The following DLG2 variants were observed in gnomAD, a reference collection of about 807,000 sequenced individuals.
The protein encoded by DLG2 is disks large homolog 2.
Under a neutral mutation model 132.5 loss-of-function variants are expected in DLG2, and 45 were observed. The ratio of observed to expected loss-of-function variants is 0.34; its 90% CI spans 0.27 to 0.44. The LOEUF (loss-of-function observed/expected upper bound fraction) is 0.44. DLG2 is among the 20% of genes least tolerant of loss of function. The pLI, the probability that DLG2 is intolerant of heterozygous loss-of-function variation, is 1.00. For synonymous variants in DLG2, 424 were observed against 419.6 expected (o/e 1.01, Z -0.13); for missense variants, 1,045 against 1,196.9 (o/e 0.87, Z 1.87).
intron 14 of DLG2, among the ~76,000 whole-genome samples, chr11:83,932,286 G>A (rs2080413278): frequency 6.6e-6 from 1 of 151,370 alleles, no homozygotes; most frequent in Non-Finnish European, 1.5e-5. Flanking sequence ...CCAGGCTGGA[G>A]TGCAGTGGCG....
At chr11:83,931,897 A>T (rs2080310457) in intron 14 of DLG2, among the ~76,000 whole-genome samples, 1 of 152,210 alleles carries the variant, frequency 6.6e-6, no homozygotes, top group African/African-American at 2.4e-5. Context: ...TTCACCGTTC[A>T]AAGTCTTATC....
chr11:84,329,382 G>A (rs555909263), intron 7 of DLG2, among the ~76,000 whole-genome samples: 45 of 152,206 alleles, frequency 3.0e-4, no homozygotes, highest in South Asian at 2.1e-4. Context: ...ACCTGGTGGG[G>A]GGTAACTGAA....
intron 6 of DLG2, among the ~76,000 whole-genome samples, chr11:84,902,310 C>T (rs188108701): frequency 6.6e-6 from 1 of 152,086 alleles, no homozygotes; most frequent in African/African-American, 2.4e-5. Context: ...CTTCTTTTAC[C>T]TTAGCATTTG....
intron 17 of DLG2, among the ~76,000 whole-genome samples, chr11:83,819,357 C>A (rs1470428392): frequency 6.7e-6 from 1 of 148,648 alleles, no homozygotes. Flanking sequence ...GTAACCCCAG[C>A]TAACTGGGAG....
At chr11:84,459,505 A>C (rs1399614818) in intron 7 of DLG2, among the ~76,000 whole-genome samples, 1 of 150,638 alleles carries the variant, frequency 6.6e-6, no homozygotes, top group Non-Finnish European at 1.5e-5. Context: ...TATGGGGTAC[A>C]TAATAGGTTG....
At chr11:85,036,554 T>C (rs1263530924) in intron 6 of DLG2, among the ~76,000 whole-genome samples, 1 of 152,216 alleles carries the variant, frequency 6.6e-6, no homozygotes, top group Non-Finnish European at 1.5e-5. Flanking sequence ...AAAATGTTTC[T>C]ATAGAGTCCA....
intron 7 of DLG2, among the ~76,000 whole-genome samples, chr11:84,287,844 C>T (rs1351681952): frequency 6.6e-6 from 1 of 151,090 alleles, no homozygotes; most frequent in Non-Finnish European, 1.5e-5. Flanking sequence ...TTTGAGGTTT[C>T]CAACATCTGT....
intron 6 of DLG2, among the ~76,000 whole-genome samples, chr11:84,615,142 T>G (rs1341671969): frequency 6.6e-6 from 1 of 152,132 alleles, no homozygotes; most frequent in Non-Finnish European, 1.5e-5. Context: ...GTGAAAATCA[T>G]GAAAAGTATT....
At chr11:85,495,006 A>G (rs1053305910) in intron 3 of DLG2, among the ~76,000 whole-genome samples, 1 of 152,170 alleles carries the variant, frequency 6.6e-6, no homozygotes, top group Non-Finnish European at 1.5e-5. Context: ...AATAAGGAAA[A>G]GACAACCTGT....
At chr11:84,511,011 A>G (rs1433549193) in intron 7 of DLG2, among the ~76,000 whole-genome samples, 1 of 152,158 alleles carries the variant, frequency 6.6e-6, no homozygotes, top group Non-Finnish European at 1.5e-5. Context: ...AATGTTTGGA[A>G]TTTTAGGGAT....
intron 3 of DLG2, among the ~76,000 whole-genome samples, chr11:85,307,620 T>C (rs2080040722): frequency 2.0e-5 from 3 of 152,154 alleles, no homozygotes; most frequent in Admixed American, 1.3e-4. Flanking sequence ...AATCACCCCA[T>C]AGTATAAAAT....
At chr11:84,628,713 G>A (rs995568546) in intron 6 of DLG2, among the ~76,000 whole-genome samples, 3 of 152,060 alleles carry the variant, frequency 2.0e-5, no homozygotes, top group African/African-American at 4.8e-5. Context: ...GTGATTTTTT[G>A]TCTCAGAAGT....
rs368176820 is a variant in DLG2 at position 84,293,402 on chromosome 11, G to A, written c.520-42111C>T. Among the ~76,000 whole-genome samples the A allele has an allele frequency of 4.3e-4, 65 of 152,182 alleles. 1 individual carries two copies. The South Asian group carries it at 0.013, about 30-fold the overall frequency. On this transcript the variant is annotated intron_variant, in intron 7 of 27. Transcript: ENST00000376104. ...TTTAAAGATATCATAGGCTGGGCAC[G>A]GTGGCTCACGCCTGTAATCCCAGCA... is the stretch of plus-strand genomic sequence containing the variant.
intron 4 of DLG2, among the ~76,000 whole-genome samples, chr11:85,159,460 C>T (rs1165968478): frequency 1.4e-4 from 22 of 152,180 alleles, no homozygotes; most frequent in Admixed American, 1.4e-3. Context: ...AATATTGCAT[C>T]CCTGGAGGGA....
At chr11:85,587,187 G>C (rs746776481) in intron 3 of DLG2, among the ~76,000 whole-genome samples, 10 of 152,106 alleles carry the variant, frequency 6.6e-5, no homozygotes, top group Non-Finnish European at 1.3e-4. Context: ...TTTTGGGGTA[G>C]AATGTTCTGT....
At chr11:84,506,384 TAA>T in intron 7 of DLG2, among the ~76,000 whole-genome samples, 1 of 149,220 alleles carries the variant, frequency 6.7e-6, no homozygotes, top group Middle Eastern at 3.5e-3. Flanking sequence ...CCTCAGTTCT[TAA>T]AAGAGTCAGT....
At chr11:84,881,954 T>C (rs1013257814) in intron 6 of DLG2, among the ~76,000 whole-genome samples, 1 of 152,126 alleles carries the variant, frequency 6.6e-6, no homozygotes, top group African/African-American at 2.4e-5. Flanking sequence ...CTGTTTAAAG[T>C]TCTTAATATA....
At chr11:83,703,222 A>C (rs1384050421) in intron 18 of DLG2, among the ~76,000 whole-genome samples, 2 of 152,186 alleles carry the variant, frequency 1.3e-5, no homozygotes, top group Non-Finnish European at 2.9e-5. Flanking sequence ...ATATCACACA[A>C]ATTCTATAAT....
At chr11:83,630,297 C>G (rs1256756064) in intron 19 of DLG2, among the ~76,000 whole-genome samples, 1 of 152,048 alleles carries the variant, frequency 6.6e-6, no homozygotes, top group East Asian at 1.9e-4. Context: ...TCTCTGACAC[C>G]ACCAGGACCA....
Sources: allele counts gnomAD v4.1 joint callset (sites outside exome capture counted in the v4.1 genomes callset), GRCh38; gene constraint gnomAD v4.1.1; transcripts MANE v1.5; gene names NCBI Gene and HGNC (gene_info 2026-07-23, HGNC 2026-07-21).